The following TET3 variants were observed in gnomAD, a reference collection of about 807,000 sequenced individuals.
TET3 encodes tet methylcytosine dioxygenase 3, also known as methylcytosine dioxygenase TET3.
Under a neutral mutation model 141.4 loss-of-function variants are expected in TET3, and 19 were observed. The ratio of observed to expected loss-of-function variants is 0.13; its 90% CI spans 0.09 to 0.20. The LOEUF (loss-of-function observed/expected upper bound fraction) is 0.20, where lower values mean the gene tolerates loss of function less well. TET3 is among the 10% of genes least tolerant of loss of function. TET3 has a pLI of 1.00. For missense variants in TET3, 1,874 were observed against 2,356.9 expected, an observed-to-expected ratio of 0.80 and a Z score of 4.24; for synonymous variants, 1,043 against 980.9, an observed-to-expected ratio of 1.06 and a Z score of -1.18.
chr2:74,132,565 T>A, the TET3 span, among the ~76,000 whole-genome samples: 2 of 152,194 alleles, frequency 1.3e-5, no homozygotes, highest in African/African-American at 4.8e-5. Flanking sequence ...TTTTTAATTT[T>A]TTGTAGAAAC....
chr2:74,065,187 CA>C (rs1252349692), intron 4 of TET3, among the ~76,000 whole-genome samples: 1 of 152,142 alleles, frequency 6.6e-6, no homozygotes, highest in Non-Finnish European at 1.5e-5. Flanking sequence ...AATGGTAACT[CA>C]TAGAAATTAT....
the TET3 span, among the ~76,000 whole-genome samples, chr2:74,124,253 G>T: frequency 2.7e-3 from 378 of 141,608 alleles, 3 homozygotes; most frequent in African/African-American, 0.011. Context: ...CGCCCCGTCC[G>T]GGAGGGAGGT....
the TET3 span, among the ~76,000 whole-genome samples, chr2:74,133,099 A>T: frequency 2.2e-5 from 3 of 135,520 alleles, no homozygotes; most frequent in Non-Finnish European, 3.1e-5. Context: ...TTTTTAGTTG[A>T]GACAAGGTTT....
chr2:74,039,989 C>CT (rs1687258651), intron 3 of TET3, among the ~76,000 whole-genome samples: 1 of 152,152 alleles, frequency 6.6e-6, no homozygotes, highest in African/African-American at 2.4e-5. Flanking sequence ...ACCCCCACCT[C>CT]TCCATGGGGG....
rs971111434 is a variant in TET3 at position 74,075,320 on chromosome 2, C to CTTTT, written c.2585+1705_2585+1708dup. On this transcript the variant is annotated intron_variant, in intron 5 of 11. Transcript: ENST00000409262. The stretch of plus-strand genomic sequence containing the variant: ...TTTGTCTGACCATGAGAGCCAAATA[C>CTTTT]TTTTTTTTTTTTTTTTTTTTTTTTT... Among the ~76,000 whole-genome samples the CTTTT allele has an allele frequency of 2.0e-4, 18 of 89,120 alleles. 1 individual carries two copies. Among genetic ancestry groups the CTTTT allele is most frequent in the East Asian group, 3.2e-4 (1 of 3,144 alleles). The allele number at this position is 89,120 out of a possible 152,430, so 58.5% of individuals were successfully genotyped here.
chr2:74,111,364 C>T (rs987725712), downstream of TET3, among the ~76,000 whole-genome samples: 6 of 152,156 alleles, frequency 3.9e-5, no homozygotes, highest in African/African-American at 7.2e-5. Flanking sequence ...TTGGTAAGGT[C>T]AAAGTCTTAA....
chr2:74,020,529 C>T (rs1226024780), intron 3 of TET3, among the ~76,000 whole-genome samples: 1 of 152,204 alleles, frequency 6.6e-6, no homozygotes, highest in East Asian at 1.9e-4. Flanking sequence ...ATGGCAGGCA[C>T]TATTCCTTGA....
chr2:74,033,230 G>A (rs183959680), intron 3 of TET3, among the ~76,000 whole-genome samples: 13 of 152,250 alleles, frequency 8.5e-5, no homozygotes, highest in African/African-American at 2.6e-4. Context: ...AACTATAAAC[G>A]AGAAAGTTAC....
intron 3 of TET3, among the ~76,000 whole-genome samples, chr2:74,008,547 C>T (rs1445856508): frequency 6.6e-6 from 1 of 152,204 alleles, no homozygotes; most frequent in Non-Finnish European, 1.5e-5. Context: ...TAGAGGTATA[C>T]CCTTTTTCCC....
intron 3 of TET3, among the ~76,000 whole-genome samples, chr2:74,006,956 A>G (rs992014534): frequency 3.9e-5 from 6 of 152,118 alleles, no homozygotes; most frequent in African/African-American, 7.2e-5. Context: ...CTCTAGGACT[A>G]TTACCCCCAT....
At chr2:74,114,852 T>TAAAAAAAAAA in the TET3 span, among the ~76,000 whole-genome samples, 2 of 24,072 alleles carry the variant, frequency 8.3e-5, no homozygotes, top group Admixed American at 8.6e-4. Flanking sequence ...AGACTCTGTC[T>TAAAAAAAAAA]CAAAAAAAAA....
At chr2:74,009,185 G>A (rs750354431) in intron 3 of TET3, among the ~76,000 whole-genome samples, 1 of 152,188 alleles carries the variant, frequency 6.6e-6, no homozygotes, top group Non-Finnish European at 1.5e-5. Flanking sequence ...GCCGTTTCCT[G>A]CCAGTCCACC....
At chr2:74,127,998 T>G in the TET3 span, among the ~76,000 whole-genome samples, 1 of 152,212 alleles carries the variant, frequency 6.6e-6, no homozygotes, top group Non-Finnish European at 1.5e-5. Context: ...AACAGTTCTG[T>G]TAAATAAAAG....
Position 73,986,018 on chromosome 2 carries a change from A to G in TET3, c.-386A>G, listed in dbSNP as rs997566780. 5 of 173,810 alleles carry G rather than the reference A, an allele frequency of 2.9e-5. No individual in the cohort carries two copies. The highest frequency in any genetic ancestry group is 4.8e-5 in the Non-Finnish European group (4 of 83,082). 10.8% of individuals were successfully genotyped at this position (173,810 alleles called of 1,614,324 possible). A position where few individuals can be genotyped will look rare whatever the true frequency, so the allele number is the denominator to read the frequency against. On this transcript the variant is annotated 5_prime_UTR_variant, in exon 2 of 12. Coordinates refer to ENST00000409262, the MANE Select transcript of TET3 (RefSeq NM_001287491.2). ...CTCCAGCGTCCAGACCCTGGAGGAA[A>G]AATACCAGGAGAAACTGCTCACTCA...
chr2:74,059,927 C>T (rs1688414716), intron 4 of TET3, among the ~76,000 whole-genome samples: 1 of 152,170 alleles, frequency 6.6e-6, no homozygotes. Flanking sequence ...TCCAGTAGGT[C>T]ACTGATGGTC....
At chr2:74,065,620 GTCCT>G (rs150547831) in intron 4 of TET3, among the ~76,000 whole-genome samples, 44 of 142,530 alleles carry the variant, frequency 3.1e-4, no homozygotes, top group Middle Eastern at 3.6e-3. Context: ...CCGTCCGTCC[GTCCT>G]TCCTTCCTTC....
chr2:74,095,374 G>A (rs959150452), intron 10 of TET3, among the ~76,000 whole-genome samples: 3 of 152,238 alleles, frequency 2.0e-5, no homozygotes, highest in African/African-American at 4.8e-5. Flanking sequence ...GAAGGTGGGC[G>A]AGAGCAAGAG....
At chr2:74,135,364 C>T in the TET3 span, 1 of 688,120 alleles carries the variant, frequency 1.5e-6, no homozygotes, top group Non-Finnish European at 2.5e-6. Flanking sequence ...GACAAGACCC[C>T]TTTGGCCAAA....
rs58914947 is a variant in TET3 at position 73,994,641 on chromosome 2, T to TCTTTC, written c.303+7935_303+7936insCTTTC. 6.5e-4 allele frequency among the ~76,000 whole-genome samples: 93 copies of TCTTTC among 143,594 alleles called. 1 individual carries two copies. The highest frequency in any genetic ancestry group is 2.3e-3 in the African/African-American group (88 of 37,568). The allele number at this position is 143,594 out of a possible 152,430, so 94.2% of individuals were successfully genotyped here. Reference sequence around the variant, plus strand: ...TTCTTTCTTTCTTTCTTTCTTTCTTTTTTTTTTTTTTTTTTGATACGGAGT... The same window carrying TCTTTC: ...TTCTTTCTTTCTTTCTTTCTTTCTTTCTTTCTTTTTTTTTTTTTTTGATACGGAGT... On this transcript the variant is annotated intron_variant, in intron 2 of 11. Coordinates refer to ENST00000409262, the MANE Select transcript of TET3 (RefSeq NM_001287491.2).
Sources: gnomAD v4.1 joint callset for allele counts (sites outside exome capture counted in the v4.1 genomes callset) on GRCh38, gnomAD v4.1.1 for gene constraint, MANE v1.5 for transcripts, NCBI Gene and HGNC (gene_info 2026-07-23, HGNC 2026-07-21) for gene names.